ATPSCKMT: variants seen among roughly 807,000 people sequenced by gnomAD.
ATPSCKMT encodes the protein ATP synthase c subunit lysine N-methyltransferase.
ATPSCKMT carries 24 observed loss-of-function variants against 24.3 expected under a neutral mutation model. That is an observed-to-expected ratio of 0.99 (90% CI 0.71 to 1.39). ATPSCKMT has a LOEUF of 1.39. Ranked by LOEUF, ATPSCKMT falls within the 40% of genes most tolerant of loss-of-function variation. The probability of loss-of-function intolerance (pLI) is 0.00; values close to 1 mark genes in which losing one functional copy is unlikely to be tolerated. For missense variants in ATPSCKMT, 311 were observed against 298.4 expected, an observed-to-expected ratio of 1.04 and a Z score of -0.31; for synonymous variants, 95 against 110.5, an observed-to-expected ratio of 0.86 and a Z score of 0.88.
chr5:10,249,724 A>T, intron 1 of ATPSCKMT, 134 bp downstream of exon 1: 2 of 1,367,064 alleles, frequency 1.5e-6, no homozygotes, highest in South Asian at 1.6e-5. Context: ...ACCGAAGGCC[A>T]GGCTGGAGGC....
chr5:10,248,063 A>T (rs2548552), intron 1 of ATPSCKMT, among the ~76,000 whole-genome samples: 112,040 of 152,192 alleles, frequency 0.74, 43,436 homozygotes, highest in East Asian at 0.86. Context: ...GGAGCCTGTT[A>T]GGAATAGTAA....
chr5:10,246,589 CTT>C (rs1169502153), intron 1 of ATPSCKMT, among the ~76,000 whole-genome samples: 3 of 152,128 alleles, frequency 2.0e-5, no homozygotes, highest in Non-Finnish European at 4.4e-5. Context: ...TGTATCAGTT[CTT>C]TATTTCTTTT....
rs1351944455 is a variant in ATPSCKMT, at chr5:10,240,722, G to A, written c.17-1366C>T. 3.9e-5 allele frequency among the ~76,000 whole-genome samples: 6 copies of A among 152,146 alleles called. No individual in the cohort carries two copies. In the South Asian group the frequency reaches 6.2e-4, roughly 16 times the overall value. On this transcript the variant is annotated intron_variant, in intron 1 of 4. Coordinates refer to ENST00000511437, the MANE Select transcript of ATPSCKMT (RefSeq NM_199133.4). ...AAAATAACACCATTTATGGCCAGGC[G>A]CAGTGGCTCACACCTGTAATCCCAG...
At chr5:10,236,406 C>A in intron 3 of ATPSCKMT, 72 bp downstream of exon 3, 1 of 1,513,012 alleles carries the variant, frequency 6.6e-7, no homozygotes, top group Non-Finnish European at 9.0e-7. Context: ...TTTTTCAGTT[C>A]TCAGTCATAC....
intron 1 of ATPSCKMT, among the ~76,000 whole-genome samples, chr5:10,241,891 A>G (rs1744661613): frequency 6.6e-6 from 1 of 152,258 alleles, no homozygotes; most frequent in South Asian, 2.1e-4. Flanking sequence ...GCACTGTTCA[A>G]AAAACAATGT....
rs181638032 is a variant in ATPSCKMT at position 10,249,225 on chromosome 5, C to A, written c.16+633G>T. Among the ~76,000 whole-genome samples the A allele has an allele frequency of 1.9e-3, 277 of 147,278 alleles. 2 individuals are homozygous for A. Among genetic ancestry groups the A allele is most frequent in the African/African-American group, 6.5e-3 (259 of 39,696 alleles). ...CGGAGGCTGCAGTGAGCCGAGACCG[C>A]GCCACTGCACTCCAGCCCGGGCTAC... On this transcript the variant is annotated intron_variant, in intron 1 of 4. Coordinates refer to ENST00000511437, the MANE Select transcript of ATPSCKMT (RefSeq NM_199133.4).
At chr5:10,237,159 A>C in intron 2 of ATPSCKMT, 1 of 620,208 alleles carries the variant, frequency 1.6e-6, no homozygotes, top group Non-Finnish European at 2.5e-6. Flanking sequence ...CAACTGTGGA[A>C]TCCCACTGGC....
At chr5:10,232,602 T>C (rs1744198806) in intron 4 of ATPSCKMT, among the ~76,000 whole-genome samples, 1 of 152,134 alleles carries the variant, frequency 6.6e-6, no homozygotes, top group Non-Finnish European at 1.5e-5. Flanking sequence ...GGCCCATGAG[T>C]GGTCAGTGCT....
At position 10,231,046 on chromosome 5, in the gene ATPSCKMT, C is replaced by A. The variant is rs567367349; in HGVS notation, c.496-3399G>T. Among the ~76,000 whole-genome samples, 84 of 152,262 alleles carry A rather than the reference C, an allele frequency of 5.5e-4. 1 individual carries two copies. The highest frequency in any genetic ancestry group is 9.9e-4 in the Non-Finnish European group (67 of 68,020). On this transcript the variant is annotated intron_variant, in intron 4 of 4. Coordinates refer to ENST00000511437, the MANE Select transcript of ATPSCKMT (RefSeq NM_199133.4). ...GTCATGTACACCCAAACTTCACATG[C>A]CCATGCTGACTTTCCCAGCCAGCTC...
chr5:10,236,538 G>A lies in ATPSCKMT; in HGVS notation c.384C>T (p.Tyr128=), dbSNP rs1744378982. ...LNPWLVWYSR[Y]RAWREGVHGS... is the part of the protein sequence containing the mutation. The stretch of plus-strand genomic sequence containing the variant: ...CATGCACACCTTCTCGCCAAGCGCG[G>A]TATCTGGAATACCAAACTAGCCATG... Residue 128 remains tyrosine (Y), a synonymous_variant, in exon 3 of 5, where the codon TAC becomes TAT. Coordinates refer to ENST00000511437, the MANE Select transcript of ATPSCKMT (RefSeq NM_199133.4). 1 of 1,614,144 alleles carries A rather than the reference G, an allele frequency of 6.2e-7. No individual in the cohort carries two copies. The highest frequency in any genetic ancestry group is 8.5e-7 in the Non-Finnish European group (1 of 1,180,024).
chr5:10,234,475 CAAAAT>C (rs937760965), intron 4 of ATPSCKMT, among the ~76,000 whole-genome samples: 1 of 151,898 alleles, frequency 6.6e-6, no homozygotes, highest in African/African-American at 2.4e-5. Context: ...AATTAAAAAA[CAAAAT>C]AAAAAAAGGT....
intron 4 of ATPSCKMT, among the ~76,000 whole-genome samples, chr5:10,231,329 T>G (rs905241728): frequency 1.3e-5 from 2 of 152,242 alleles, no homozygotes; most frequent in Non-Finnish European, 1.5e-5. Context: ...CTCCGTGGCC[T>G]GGACACCTGC....
chr5:10,238,801 G>C (rs1335822378), intron 2 of ATPSCKMT, among the ~76,000 whole-genome samples: 1 of 152,214 alleles, frequency 6.6e-6, no homozygotes, highest in Non-Finnish European at 1.5e-5. Context: ...TGTATTTTAA[G>C]AGACAATTTG....
intron 1 of ATPSCKMT, among the ~76,000 whole-genome samples, chr5:10,244,909 C>CAA (rs60578858): frequency 0.21 from 29,292 of 136,940 alleles, 4,066 homozygotes; most frequent in East Asian, 0.71. Context: ...CCCTGGTTGT[C>CAA]AAAAAAAAAA....
intron 1 of ATPSCKMT, among the ~76,000 whole-genome samples, chr5:10,240,016 G>C (rs1340657575): frequency 1.3e-5 from 2 of 151,428 alleles, no homozygotes; most frequent in Non-Finnish European, 2.9e-5. Context: ...CACGAGGTCA[G>C]GACATCGAGA....
At chr5:10,238,707 A>C (rs1006150840) in intron 2 of ATPSCKMT, among the ~76,000 whole-genome samples, 1 of 152,260 alleles carries the variant, frequency 6.6e-6, no homozygotes. Flanking sequence ...CAAATGCAGA[A>C]GCAAACAACT....
intron 1 of ATPSCKMT, among the ~76,000 whole-genome samples, chr5:10,247,535 G>A (rs2607303): frequency 0.74 from 111,937 of 152,018 alleles, 43,390 homozygotes; most frequent in East Asian, 0.86. Flanking sequence ...TTTAGAGACA[G>A]GGTCTCCCTA....
chr5:10,239,041 C>A (rs1163746620), intron 2 of ATPSCKMT, 26 bp downstream of exon 2: 1 of 1,599,672 alleles, frequency 6.3e-7, no homozygotes, highest in Admixed American at 1.7e-5. Flanking sequence ...TGGTTTCAAA[C>A]CTTAAAATGT....
intron 2 of ATPSCKMT, among the ~76,000 whole-genome samples, chr5:10,238,090 G>C (rs898729588): frequency 1.3e-5 from 2 of 152,122 alleles, no homozygotes; most frequent in African/African-American, 4.8e-5. Context: ...AGAGGGTGAG[G>C]GGAGGAGAGG....
Sources: allele counts gnomAD v4.1 joint callset (sites outside exome capture counted in the v4.1 genomes callset), GRCh38; gene constraint gnomAD v4.1.1; transcripts MANE v1.5; gene names NCBI Gene and HGNC (gene_info 2026-07-23, HGNC 2026-07-21).